ENOX1: variants seen among roughly 807,000 people sequenced by gnomAD.
The protein encoded by ENOX1 is candidate growth-related and time keeping constitutive hydroquinone (NADH) oxidase.
Under a neutral mutation model 82.5 loss-of-function variants are expected in ENOX1, and 42 were observed. That is an observed-to-expected ratio of 0.51 (90% CI 0.40 to 0.66). The LOEUF is 0.66. Among genes scored for constraint, ENOX1 ranks in the 30% least tolerant of loss-of-function variants. The probability of loss-of-function intolerance (pLI) is 0.00; values close to 1 mark genes in which losing one functional copy is unlikely to be tolerated. For synonymous variants in ENOX1, 271 were observed against 282.2 expected, an observed-to-expected ratio of 0.96 and a Z score of 0.40; for missense variants, 608 against 811.6, an observed-to-expected ratio of 0.75 and a Z score of 3.05.
chr13:43,263,865 C>A (rs1415205835), intron 14 of ENOX1, among the ~76,000 whole-genome samples: 2 of 152,162 alleles, frequency 1.3e-5, no homozygotes, highest in African/African-American at 4.8e-5. Flanking sequence ...AATGTGGCAG[C>A]CTTGTGTCCC....
chr13:43,665,136 T>C (rs2084916407), intron 2 of ENOX1, among the ~76,000 whole-genome samples: 1 of 152,138 alleles, frequency 6.6e-6, no homozygotes, highest in Admixed American at 6.6e-5. Context: ...TTAAGTGAAT[T>C]TGCAGGGCTC....
chr13:43,572,076 G>A (rs2080209790), intron 2 of ENOX1, among the ~76,000 whole-genome samples: 1 of 151,946 alleles, frequency 6.6e-6, no homozygotes. Context: ...AATGAAGGTT[G>A]CTATATATAA....
intron 3 of ENOX1, among the ~76,000 whole-genome samples, chr13:43,468,315 G>C (rs771207371): frequency 1.3e-5 from 2 of 151,826 alleles, no homozygotes; most frequent in Non-Finnish European, 1.5e-5. Context: ...CTAAATAGCT[G>C]GGACTACAGG....
chr13:43,355,838 G>T, intron 8 of ENOX1, 81 bp downstream of exon 8: 1 of 1,342,144 alleles, frequency 7.5e-7, no homozygotes, highest in Non-Finnish European at 1.0e-6. Context: ...AAGGGACAAT[G>T]GTGGACGCAG....
intron 1 of ENOX1, among the ~76,000 whole-genome samples, chr13:43,691,506 A>G (rs534019962): frequency 7.9e-5 from 12 of 152,050 alleles, no homozygotes; most frequent in Admixed American, 2.0e-4. Context: ...CCTGGTTACA[A>G]CCTCATTTCT....
intron 1 of ENOX1, among the ~76,000 whole-genome samples, chr13:43,695,990 G>A (rs1166308818): frequency 1.3e-5 from 2 of 152,022 alleles, no homozygotes; most frequent in African/African-American, 4.8e-5. Flanking sequence ...TCTACTTTCT[G>A]TTTCTATGAA....
intron 11 of ENOX1, among the ~76,000 whole-genome samples, chr13:43,302,249 C>G (rs956515514): frequency 6.6e-6 from 1 of 152,096 alleles, no homozygotes; most frequent in African/African-American, 2.4e-5. Flanking sequence ...GAATTAGACA[C>G]CTTAAATGTC....
At chr13:43,250,005 T>C (rs1363979433) in intron 14 of ENOX1, among the ~76,000 whole-genome samples, 2 of 152,226 alleles carry the variant, frequency 1.3e-5, no homozygotes, top group Non-Finnish European at 1.5e-5. Context: ...GTGATAATAA[T>C]ACTAACAGCT....
chr13:43,759,511 C>T (rs1454645035), intron 1 of ENOX1, among the ~76,000 whole-genome samples: 1 of 152,138 alleles, frequency 6.6e-6, no homozygotes, highest in South Asian at 2.1e-4. Context: ...ACCCCTCATG[C>T]TATACTGAAA....
chr13:43,310,047 C>G (rs112343781), intron 11 of ENOX1, among the ~76,000 whole-genome samples: 121 of 151,824 alleles, frequency 8.0e-4, no homozygotes, highest in African/African-American at 2.9e-3. Context: ...ACTAAAAATA[C>G]AAAAAATTAG....
chr13:43,284,425 A>G (rs1469182554), intron 12 of ENOX1, among the ~76,000 whole-genome samples: 2 of 152,220 alleles, frequency 1.3e-5, no homozygotes, highest in South Asian at 4.1e-4. Context: ...GGAAATATAC[A>G]TATCTTAATA....
At chr13:43,403,554 G>A (rs2053617521) in intron 5 of ENOX1, among the ~76,000 whole-genome samples, 1 of 152,148 alleles carries the variant, frequency 6.6e-6, no homozygotes, top group African/African-American at 2.4e-5. Flanking sequence ...TAGAAATACT[G>A]TAGACAGGCT....
rs1012923999 is a variant in ENOX1, at chr13:43,478,068, T to G, written c.-75+5941A>C. The stretch of plus-strand genomic sequence containing the variant: ...GAGCCAGAGAGGTTTTTTTTTTTTT[T>G]TTTTTTTTTTTTCATTTTTTAAATC... On this transcript the variant is annotated intron_variant, in intron 3 of 16. Coordinates refer to ENST00000690772, the MANE Select transcript of ENOX1 (RefSeq NM_001347969.2). 5.2e-4 allele frequency among the ~76,000 whole-genome samples: 77 copies of G among 148,096 alleles called. 1 individual carries two copies. Among genetic ancestry groups the G allele is most frequent in the African/African-American group, 1.8e-3 (71 of 40,316 alleles).
chr13:43,613,590 A>T (rs1180367399), intron 2 of ENOX1, among the ~76,000 whole-genome samples: 1 of 152,182 alleles, frequency 6.6e-6, no homozygotes, highest in African/African-American at 2.4e-5. Context: ...AAGAGGAGGG[A>T]TTATAACTGA....
At chr13:43,438,790 T>C (rs1191777833) in intron 3 of ENOX1, among the ~76,000 whole-genome samples, 2 of 152,168 alleles carry the variant, frequency 1.3e-5, no homozygotes, top group African/African-American at 4.8e-5. Flanking sequence ...CAGGAGATTC[T>C]GATTTAGTGG....
At chr13:43,263,297 C>T (rs1241213916) in intron 14 of ENOX1, among the ~76,000 whole-genome samples, 3 of 152,150 alleles carry the variant, frequency 2.0e-5, no homozygotes, top group African/African-American at 7.2e-5. Flanking sequence ...CAAGGACTGT[C>T]AGGTTCTGTT....
chr13:43,735,744 G>A (rs1241650897), intron 1 of ENOX1, among the ~76,000 whole-genome samples: 3 of 151,862 alleles, frequency 2.0e-5, no homozygotes, highest in Non-Finnish European at 2.9e-5. Context: ...CAAATGTGGA[G>A]CAAAAATAAA....
At chr13:43,348,935 AG>A (rs1236035211) in intron 8 of ENOX1, among the ~76,000 whole-genome samples, 3 of 152,236 alleles carry the variant, frequency 2.0e-5, no homozygotes, top group Non-Finnish European at 4.4e-5. Flanking sequence ...GAAATTGTGA[AG>A]AAGTAAAAAG....
Position 43,265,469 on chromosome 13 carries a change from G to A in ENOX1, c.1555-15C>T, listed in dbSNP as rs1351417222. 1 of 1,608,286 alleles carries A rather than the reference G, an allele frequency of 6.2e-7. No individual in the cohort carries two copies. Reference sequence around the variant, plus strand: ...GTACCTTTTAACTGCAAATTTTAAGGAAAAACAACACAAAACAAAAAAATG... The same window carrying A: ...GTACCTTTTAACTGCAAATTTTAAGAAAAAACAACACAAAACAAAAAAATG... On this transcript the variant is annotated splice_polypyrimidine_tract_variant and intron_variant, in intron 13 of 16. Transcript: ENST00000690772.
Sources: allele counts gnomAD v4.1 joint callset (sites outside exome capture counted in the v4.1 genomes callset), GRCh38; gene constraint gnomAD v4.1.1; transcripts MANE v1.5; gene names NCBI Gene and HGNC (gene_info 2026-07-23, HGNC 2026-07-21).